The following DLGAP2 variants were observed in gnomAD, a reference collection of about 807,000 sequenced individuals.
DLGAP2 encodes disks large-associated protein 2.
In DLGAP2, 26 loss-of-function variants were observed where a neutral mutation model predicts 100.3. The observed-to-expected ratio is 0.26, with a 90% CI of 0.19 to 0.36. DLGAP2 has a LOEUF of 0.36. Among genes scored for constraint, DLGAP2 ranks in the 10% least tolerant of loss-of-function variants. The probability of loss-of-function intolerance (pLI) is 1.00; values close to 1 mark genes in which losing one functional copy is unlikely to be tolerated. For missense variants in DLGAP2, 1,858 were observed against 1,453.2 expected (o/e 1.28, Z -4.53); for synonymous variants, 886 against 630.1 (o/e 1.41, Z -6.08).
At chr8:1,607,697 C>G (rs552849829) in intron 6 of DLGAP2, among the ~76,000 whole-genome samples, 73 of 152,340 alleles carry the variant, frequency 4.8e-4, no homozygotes, top group Admixed American at 1.8e-3. Flanking sequence ...CGGGCGCGAG[C>G]CGAAGCAGGG....
intron 4 of DLGAP2, among the ~76,000 whole-genome samples, chr8:1,548,011 A>G (rs1307609381): frequency 1.3e-5 from 2 of 152,252 alleles, no homozygotes; most frequent in Non-Finnish European, 2.9e-5. Flanking sequence ...TATGTGAAAT[A>G]CAACTATGCT....
At chr8:1,528,363 C>T (rs566547439) in intron 4 of DLGAP2, among the ~76,000 whole-genome samples, 50 of 152,342 alleles carry the variant, frequency 3.3e-4, no homozygotes, top group African/African-American at 1.1e-3. Flanking sequence ...ATTGTTCCCA[C>T]CCCAGTGCCA....
intron 3 of DLGAP2, among the ~76,000 whole-genome samples, chr8:1,274,547 G>A (rs1055151562): frequency 6.6e-6 from 1 of 150,414 alleles, no homozygotes; most frequent in Non-Finnish European, 1.5e-5. Flanking sequence ...CTTTGGATTT[G>A]TTTTAGAACA....
chr8:1,050,056 G>A (rs1802633286), intron 2 of DLGAP2, among the ~76,000 whole-genome samples: 1 of 152,172 alleles, frequency 6.6e-6, no homozygotes, highest in Admixed American at 6.5e-5. Context: ...TCACACACAT[G>A]TACATACGTG....
At chr8:965,889 C>T (rs1799858343) in intron 2 of DLGAP2, among the ~76,000 whole-genome samples, 1 of 152,186 alleles carries the variant, frequency 6.6e-6, no homozygotes, top group African/African-American at 2.4e-5. Flanking sequence ...GCGCTGTTCA[C>T]CACCGCATGT....
rs149438683 is a variant in DLGAP2 at position 1,254,250 on chromosome 8, C to G, written c.74-4601C>G. 9.1e-3 allele frequency among the ~76,000 whole-genome samples: 1,381 copies of G among 152,330 alleles called. 11 individuals carry two copies. Among genetic ancestry groups the G allele is most frequent in the Non-Finnish European group, 0.011 (726 of 68,028 alleles). On this transcript the variant is annotated intron_variant, in intron 2 of 14. Coordinates refer to ENST00000637795, the MANE Select transcript of DLGAP2 (RefSeq NM_001346810.2). ...TGGTGAAGCCGGCGTCTCCCCTGCC[C>G]TGGGGGAACCCCGGGCACATCCAGG...
intron 1 of DLGAP2, chr8:738,096 C>T (rs1820367108): frequency 4.2e-6 from 1 of 235,448 alleles, no homozygotes; most frequent in East Asian, 8.5e-5. Flanking sequence ...TCCGGGGGTG[C>T]GGGAGCGCAC....
chr8:1,366,054 G>A (rs919308446), intron 3 of DLGAP2, among the ~76,000 whole-genome samples: 5 of 152,366 alleles, frequency 3.3e-5, no homozygotes, highest in Admixed American at 6.5e-5. Flanking sequence ...AACCGCAGCC[G>A]GGCAGGGGCA....
At chr8:1,065,045 T>C (rs539664923) in intron 2 of DLGAP2, among the ~76,000 whole-genome samples, 35 of 152,336 alleles carry the variant, frequency 2.3e-4, no homozygotes, top group Admixed American at 5.9e-4. Flanking sequence ...CAGTGGCTGA[T>C]TCCCACCCAC....
intron 2 of DLGAP2, among the ~76,000 whole-genome samples, chr8:1,252,446 TGTG>T (rs1381681282): frequency 2.6e-5 from 4 of 152,200 alleles, no homozygotes; most frequent in African/African-American, 9.6e-5. Context: ...CTTGTCACAC[TGTG>T]GTGTTGTCAC....
chr8:1,076,210 C>A (rs184369971), intron 2 of DLGAP2, among the ~76,000 whole-genome samples: 34 of 152,322 alleles, frequency 2.2e-4, no homozygotes, highest in Middle Eastern at 3.4e-3. Context: ...TCTCCCCTCA[C>A]CCCTGTGCCA....
intron 2 of DLGAP2, among the ~76,000 whole-genome samples, chr8:1,227,198 A>C (rs11988424): frequency 0.035 from 3,898 of 112,380 alleles, 134 homozygotes; most frequent in African/African-American, 0.11. Flanking sequence ...TTATCCATTC[A>C]TTTTTAAGAG....
intron 5 of DLGAP2, 85 bp from the exon 6 acceptor site, chr8:1,565,598 G>A: frequency 9.5e-7 from 1 of 1,049,086 alleles, no homozygotes; most frequent in Non-Finnish European, 1.4e-6. Flanking sequence ...TTATGGAATT[G>A]TAGAGGATTT....
chr8:773,211 G>C (rs1821413849), intron 1 of DLGAP2, among the ~76,000 whole-genome samples: 1 of 152,144 alleles, frequency 6.6e-6, no homozygotes, highest in South Asian at 2.1e-4. Flanking sequence ...TTCTTTGGTG[G>C]GCAGACAGCT....
rs71528625 is a variant in DLGAP2, at chr8:960,237, C to CTTTTTT, written c.73+52281_73+52286dup. Reference sequence around the variant, plus strand: ...TTGGGCAATTATTCCTGAAGTATATCTTTTTTTTTTTTTTTCCCGAGACAC... The same window carrying CTTTTTT: ...TTGGGCAATTATTCCTGAAGTATATCTTTTTTTTTTTTTTTTTTTTTCCCGAGACAC... On this transcript the variant is annotated intron_variant, in intron 2 of 14. Coordinates refer to ENST00000637795, the MANE Select transcript of DLGAP2 (RefSeq NM_001346810.2). Among the ~76,000 whole-genome samples, 69 of 44,650 alleles carry CTTTTTT rather than the reference C, an allele frequency of 1.5e-3. 16 individuals are homozygous for CTTTTTT. Among genetic ancestry groups the CTTTTTT allele is most frequent in the East Asian group, 3.1e-3 (4 of 1,290 alleles). The allele number at this position is 44,650 out of a possible 152,430, so 29.3% of individuals were successfully genotyped here.
chr8:1,482,487 G>T (rs1292098853), intron 3 of DLGAP2, among the ~76,000 whole-genome samples: 1 of 152,232 alleles, frequency 6.6e-6, no homozygotes, highest in Non-Finnish European at 1.5e-5. Context: ...CGTCTGCTCT[G>T]AGTAATTTAT....
At chr8:1,696,953 G>T (rs1017256116) in intron 13 of DLGAP2, among the ~76,000 whole-genome samples, 194 bp from the exon 14 acceptor site, 2 of 152,226 alleles carry the variant, frequency 1.3e-5, no homozygotes, top group African/African-American at 4.8e-5. Flanking sequence ...GTGTTTTTAG[G>T]CCGACAGCAA....
chr8:1,540,712 C>T (rs1306279894), intron 4 of DLGAP2, among the ~76,000 whole-genome samples: 2 of 152,218 alleles, frequency 1.3e-5, no homozygotes, highest in African/African-American at 4.8e-5. Flanking sequence ...GGACAGAGCC[C>T]AGCGTGGGCG....
chr8:835,879 C>G (rs1417789256), intron 1 of DLGAP2, among the ~76,000 whole-genome samples: 1 of 152,168 alleles, frequency 6.6e-6, no homozygotes, highest in Non-Finnish European at 1.5e-5. Context: ...TGTCTCAGAA[C>G]TGCTTTCCTG....
Sources: gnomAD v4.1 joint callset for allele counts (sites outside exome capture counted in the v4.1 genomes callset) on GRCh38, gnomAD v4.1.1 for gene constraint, MANE v1.5 for transcripts, NCBI Gene and HGNC (gene_info 2026-07-23, HGNC 2026-07-21) for gene names.